Variants in RPL15 observed in about 807,000 individuals in gnomAD.
RPL15 encodes large ribosomal subunit protein eL15.
For missense variants in RPL15, 161 were observed against 271.8 expected, an observed-to-expected ratio of 0.59 and a Z score of 2.87; for synonymous variants, 97 against 95.1, an observed-to-expected ratio of 1.02 and a Z score of -0.12.
intron 3 of RPL15, 38 bp from the exon 4 acceptor site, chr3:23,919,158 T>C (rs1192604200): frequency 7.2e-7 from 1 of 1,390,094 alleles, no homozygotes; most frequent in Non-Finnish European, 1.0e-6. Flanking sequence ...CTATAGGCAA[T>C]GTGGGAGATT....
At chr3:23,918,185 G>T in intron 2 of RPL15, 154 bp downstream of exon 2, 3 of 1,031,834 alleles carry the variant, frequency 2.9e-6, no homozygotes, top group Non-Finnish European at 4.2e-6. Flanking sequence ...TGTATGCACT[G>T]TTGTCTAAAG....
chr3:23,921,560 T>C (rs760326275), downstream of RPL15: 32 of 682,858 alleles, frequency 4.7e-5, no homozygotes, highest in Non-Finnish European at 7.4e-5. Context: ...ACAGCAACAT[T>C]GATTATTGAG....
chr3:23,917,029 A>C (rs945824132), upstream of RPL15: 1 of 152,542 alleles, frequency 6.6e-6, no homozygotes, highest in African/African-American at 2.4e-5. Context: ...CTCCGCCACC[A>C]GGCGCGATGC....
chr3:23,919,227 G>A lies in RPL15; in HGVS notation c.341G>A (p.Arg114Lys), dbSNP rs768764156. The A allele has an allele frequency of 6.2e-7, 1 of 1,613,882 alleles. No homozygotes were observed. Among genetic ancestry groups the A allele is most frequent in the Admixed American group, 1.7e-5 (1 of 60,008 alleles). ...GCTGGACGCCACTGTGGGGCTCTGA[G>A]AGTCCTGAATTCTTACTGGGTTGGT... Reference protein sequence around the residue: ...ERAGRHCGALRVLNSYWVGED... With the variant: ...ERAGRHCGALKVLNSYWVGED... Residue 114 changes from arginine to lysine, a missense_variant, in exon 4 of 4, where the codon AGA (arginine) becomes AAA (lysine). Transcript: ENST00000307839.
Position 23,920,135 on chromosome 3 carries a change from T to C in RPL15, c.*634T>C, listed in dbSNP as rs1435938654. 5 of 985,760 alleles carry C rather than the reference T, an allele frequency of 5.1e-6. No individual in the cohort carries two copies. In the East Asian group the frequency reaches 5.7e-4, roughly 112 times the overall value. The allele number at this position is 985,760 out of a possible 1,614,324, so 61.1% of individuals were successfully genotyped here. ...TTAAGATTGGTAAGCTAGCAATGAATGCTAGGGTGGGAAGCTGGTGAGCCA... is the reference window on the plus strand; with the variant it reads ...TTAAGATTGGTAAGCTAGCAATGAACGCTAGGGTGGGAAGCTGGTGAGCCA... On this transcript the variant is annotated 3_prime_UTR_variant, in exon 4 of 4. Transcript: ENST00000307839.
intron 2 of RPL15, 37 bp downstream of exon 2, chr3:23,918,068 A>G (rs1422548742): frequency 5.1e-6 from 8 of 1,582,506 alleles, no homozygotes; most frequent in Non-Finnish European, 6.9e-6. Context: ...GGATAAAATT[A>G]TATTCGAGAA....
At chr3:23,921,819 C>G (rs1280767391), downstream of RPL15, 2 of 553,648 alleles carry the variant, frequency 3.6e-6, no homozygotes, top group Non-Finnish European at 6.4e-6. Flanking sequence ...AAGTGATCCA[C>G]CTGCCTTGGC....
At chr3:23,921,583 T>A, downstream of RPL15, 1 of 678,626 alleles carries the variant, frequency 1.5e-6, no homozygotes, top group Non-Finnish European at 2.7e-6. Context: ...TTTTTTTTTT[T>A]TTTTTTTTTT....
At chr3:23,923,583 G>T (rs1705153934), downstream of RPL15, 1 of 152,260 alleles carries the variant, frequency 6.6e-6, no homozygotes, top group African/African-American at 2.4e-5. Flanking sequence ...TGATTCATTG[G>T]ATGTGGACCC....
At chr3:23,917,587 C>T (rs1704701930) in intron 1 of RPL15, 5 of 348,540 alleles carry the variant, frequency 1.4e-5, no homozygotes, top group East Asian at 1.1e-4. Context: ...GCCACCCGCC[C>T]CCTTGGTGCT....
rs1704974512 is a variant in RPL15, at chr3:23,919,862, G to GCTCT, written c.*362_*365dup. The GCTCT allele has an allele frequency of 9.9e-7, 1 of 1,007,370 alleles. No homozygotes were observed. Among genetic ancestry groups the GCTCT allele is most frequent in the Non-Finnish European group, 1.2e-6 (1 of 844,752 alleles). 62.4% of individuals were successfully genotyped at this position (1,007,370 alleles called of 1,614,324 possible). A position where few individuals can be genotyped will look rare whatever the true frequency, so the allele number is the denominator to read the frequency against. On this transcript the variant is annotated 3_prime_UTR_variant, in exon 4 of 4. Coordinates refer to ENST00000307839, the MANE Select transcript of RPL15 (RefSeq NM_002948.5). ...GCAGCTTTATCGGAGTGATGGCAAT[G>GCTCT]CTCTGCTGGTTTATTTTCAAGTGGC...
At chr3:23,921,723 C>T, downstream of RPL15, 1 of 640,558 alleles carries the variant, frequency 1.6e-6, no homozygotes. Context: ...TACAGGCGCA[C>T]ACTGCCATGC....
At chr3:23,923,714 G>C (rs565977979), downstream of RPL15, 96 of 152,300 alleles carry the variant, frequency 6.3e-4, no homozygotes, top group African/African-American at 2.2e-3. Context: ...GTTAAAAATT[G>C]TATGTATATA....
At chr3:23,921,466 A>T (rs866399220), downstream of RPL15, 3 of 623,514 alleles carry the variant, frequency 4.8e-6, no homozygotes, top group African/African-American at 5.6e-5. Flanking sequence ...TCCAATATTA[A>T]GGGTCACTTT....
Position 23,919,810 on chromosome 3 carries a change from A to AT in RPL15, c.*312dup. On this transcript the variant is annotated 3_prime_UTR_variant, in exon 4 of 4. Transcript: ENST00000307839. ...GAGAGAACTGAAACTAGCCCTGTAGATTTGTCTGGTGCATGTGATGAAACC... is the reference window on the plus strand; with the variant it reads ...GAGAGAACTGAAACTAGCCCTGTAGATTTTGTCTGGTGCATGTGATGAAACC... The AT allele has an allele frequency of 9.4e-7, 1 of 1,061,210 alleles. No homozygotes were observed. The allele number at this position is 1,061,210 out of a possible 1,614,324, so 65.7% of individuals were successfully genotyped here. A position where few individuals can be genotyped will look rare whatever the true frequency, so the allele number is the denominator to read the frequency against.
downstream of RPL15, chr3:23,923,947 T>C (rs1489955652): frequency 6.6e-6 from 1 of 152,212 alleles, no homozygotes; most frequent in East Asian, 1.9e-4. Flanking sequence ...CATAGCTTTT[T>C]CTCCCCCTGA....
At position 23,919,890 on chromosome 3, in the gene RPL15, C is replaced by T. The variant is rs182309439; in HGVS notation, c.*389C>T. 7.4e-4 allele frequency: 739 copies of T among 994,488 alleles called. 4 individuals are homozygous for T. The African/African-American group carries it at 1.0e-2, about 13-fold the overall frequency. 61.6% of individuals were successfully genotyped at this position (994,488 alleles called of 1,614,324 possible). A position where few individuals can be genotyped will look rare whatever the true frequency, so the allele number is the denominator to read the frequency against. Reference sequence around the variant, plus strand: ...CTGCTGGTTTATTTTCAAGTGGCTGCGTTTTTTTTAGTTTGGCAGGTGTAG... The same window carrying T: ...CTGCTGGTTTATTTTCAAGTGGCTGTGTTTTTTTTAGTTTGGCAGGTGTAG... On this transcript the variant is annotated 3_prime_UTR_variant, in exon 4 of 4. Transcript: ENST00000307839.
Sources: gnomAD v4.1 joint callset for allele counts on GRCh38, gnomAD v4.1.1 for gene constraint, MANE v1.5 for transcripts, NCBI Gene and HGNC (gene_info 2026-07-23, HGNC 2026-07-21) for gene names.